ENOX1: variants seen among roughly 807,000 people sequenced by gnomAD.
ENOX1 encodes ecto-NOX disulfide-thiol exchanger 1, also known as candidate growth-related and time keeping constitutive hydroquinone (NADH) oxidase.
In ENOX1, 42 loss-of-function variants were observed where a neutral mutation model predicts 82.5. That is an observed-to-expected ratio of 0.51 (90% confidence interval 0.40 to 0.66). The LOEUF is 0.66. Among genes scored for constraint, ENOX1 ranks in the 30% least tolerant of loss-of-function variants. The pLI is 0.00. For missense variants in ENOX1, 608 were observed against 811.6 expected, an observed-to-expected ratio of 0.75 and a Z score of 3.05; for synonymous variants, 271 against 282.2, an observed-to-expected ratio of 0.96 and a Z score of 0.40.
intron 3 of ENOX1, among the ~76,000 whole-genome samples, chr13:43,451,095 T>G (rs2056941627): frequency 2.0e-5 from 3 of 152,102 alleles, no homozygotes; most frequent in Non-Finnish European, 4.4e-5. Context: ...ACATTTTGAG[T>G]AGTTAGAAGT....
intron 2 of ENOX1, among the ~76,000 whole-genome samples, chr13:43,514,087 A>G (rs1249738312): frequency 6.6e-6 from 1 of 152,180 alleles, no homozygotes; most frequent in Non-Finnish European, 1.5e-5. Flanking sequence ...TAAGTAGAAC[A>G]ATAATATCTA....
chr13:43,627,345 C>T (rs1435687391), intron 2 of ENOX1, among the ~76,000 whole-genome samples: 2 of 151,776 alleles, frequency 1.3e-5, no homozygotes, highest in Non-Finnish European at 2.9e-5. Flanking sequence ...TCTGTTTTTT[C>T]TTGTGTTCCA....
At chr13:43,234,242 A>C (rs981924638) in intron 15 of ENOX1, among the ~76,000 whole-genome samples, 1 of 152,174 alleles carries the variant, frequency 6.6e-6, no homozygotes, top group Non-Finnish European at 1.5e-5. Flanking sequence ...CCATTGTGGC[A>C]TTCTTTTGGA....
intron 2 of ENOX1, among the ~76,000 whole-genome samples, chr13:43,596,898 G>A (rs1425086416): frequency 6.6e-6 from 1 of 152,192 alleles, no homozygotes; most frequent in Non-Finnish European, 1.5e-5. Flanking sequence ...ATTACAGCAT[G>A]CCCCACCCTC....
chr13:43,564,420 TA>T (rs1228142120), intron 2 of ENOX1, among the ~76,000 whole-genome samples: 1 of 151,526 alleles, frequency 6.6e-6, no homozygotes, highest in Non-Finnish European at 1.5e-5. Flanking sequence ...AAATTCAAAA[TA>T]AAAAACTATA....
intron 2 of ENOX1, among the ~76,000 whole-genome samples, chr13:43,488,824 G>C (rs1231913140): frequency 6.6e-6 from 1 of 152,228 alleles, no homozygotes; most frequent in Non-Finnish European, 1.5e-5. Flanking sequence ...CTGGAAGCTA[G>C]AGGAAGGGCC....
intron 9 of ENOX1, 129 bp downstream of exon 9, chr13:43,344,409 G>T: frequency 1.3e-6 from 1 of 748,528 alleles, no homozygotes; most frequent in Non-Finnish European, 2.2e-6. Flanking sequence ...AGGTTATGAA[G>T]TTTGCCATTC....
chr13:43,392,300 A>G (rs1366326831), intron 5 of ENOX1, among the ~76,000 whole-genome samples: 1 of 152,230 alleles, frequency 6.6e-6, no homozygotes, highest in Non-Finnish European at 1.5e-5. Context: ...GCTCCATGAC[A>G]GCAGGAATAA....
intron 1 of ENOX1, among the ~76,000 whole-genome samples, chr13:43,675,033 C>T (rs913155253): frequency 3.3e-5 from 5 of 152,154 alleles, no homozygotes; most frequent in Admixed American, 2.0e-4. Flanking sequence ...TGGCAGGTCA[C>T]GTTTAGAAGC....
intron 1 of ENOX1, among the ~76,000 whole-genome samples, chr13:43,691,676 T>C (rs1357826931): frequency 6.6e-6 from 1 of 151,064 alleles, no homozygotes; most frequent in Non-Finnish European, 1.5e-5. Context: ...CATTCAGGGA[T>C]AATCTCCTGG....
At chr13:43,620,324 T>G (rs2082668647) in intron 2 of ENOX1, among the ~76,000 whole-genome samples, 1 of 152,152 alleles carries the variant, frequency 6.6e-6, no homozygotes, top group South Asian at 2.1e-4. Flanking sequence ...TCTAGTTCCT[T>G]AAAGTATGAC....
At position 43,344,574 on chromosome 13, in the gene ENOX1, T is replaced by C. The variant is rs371620497; in HGVS notation, c.1000A>G (p.Asn334Asp). 6.2e-7 allele frequency: 1 copy of C among 1,614,064 alleles called. No individual in the cohort carries two copies. Among genetic ancestry groups the C allele is most frequent in the Non-Finnish European group, 8.5e-7 (1 of 1,180,038 alleles). Reference protein sequence around the residue: ...HEQEMEEAKENFKNALTGILT... With the variant: ...HEQEMEEAKEDFKNALTGILT... ...ATCCCAGTTAAGGCATTTTTAAAATTCTCCTTGGCTTCCTCCATCTCTTGC... is the reference window on the plus strand; with the variant it reads ...ATCCCAGTTAAGGCATTTTTAAAATCCTCCTTGGCTTCCTCCATCTCTTGC... The change falls in exon 9 of 17, where the codon AAT becomes GAT. Residue 334 changes from asparagine (N) to aspartate (D), a missense_variant. Transcript: ENST00000690772.
intron 3 of ENOX1, chr13:43,458,657 T>C (rs2057332218): frequency 6.6e-6 from 1 of 152,170 alleles, no homozygotes; most frequent in Non-Finnish European, 1.5e-5. Flanking sequence ...AAGGAAAATA[T>C]TTGGCCCAGC....
chr13:43,360,185 TA>T (rs3215734), intron 6 of ENOX1, 128 bp from the exon 7 acceptor site: 672,085 of 789,426 alleles, frequency 0.85, 286,922 homozygotes, highest in South Asian at 0.94. Flanking sequence ...TATGCCAACT[TA>T]ACATTGATCC....
intron 11 of ENOX1, among the ~76,000 whole-genome samples, chr13:43,313,597 A>G (rs1348357454): frequency 6.6e-6 from 1 of 152,192 alleles, no homozygotes; most frequent in Non-Finnish European, 1.5e-5. Flanking sequence ...CACAGAAAAA[A>G]AATCACTTGT....
At chr13:43,488,648 C>G (rs1027541199) in intron 2 of ENOX1, among the ~76,000 whole-genome samples, 9 of 152,048 alleles carry the variant, frequency 5.9e-5, no homozygotes, top group Non-Finnish European at 1.3e-4. Flanking sequence ...CCGTCATGAA[C>G]AGAACATTAA....
intron 1 of ENOX1, among the ~76,000 whole-genome samples, chr13:43,748,195 T>C (rs1267467583): frequency 6.6e-6 from 1 of 152,208 alleles, no homozygotes; most frequent in Non-Finnish European, 1.5e-5. Context: ...CTATGTGTTT[T>C]ATTTCATTCA....
intron 2 of ENOX1, among the ~76,000 whole-genome samples, chr13:43,515,922 C>CT (rs1198109424): frequency 6.6e-6 from 1 of 152,152 alleles, no homozygotes; most frequent in African/African-American, 2.4e-5. Flanking sequence ...CAGAGTGAGC[C>CT]TGATGTCCCT....
intron 3 of ENOX1, among the ~76,000 whole-genome samples, chr13:43,417,153 G>A (rs376004670): frequency 3.9e-4 from 58 of 150,230 alleles, no homozygotes; most frequent in African/African-American, 1.3e-3. Flanking sequence ...AGGTTGCAGC[G>A]AGCTGAGATC....
Sources: gnomAD v4.1 joint callset for allele counts (sites outside exome capture counted in the v4.1 genomes callset) on GRCh38, gnomAD v4.1.1 for gene constraint, MANE v1.5 for transcripts, NCBI Gene and HGNC (gene_info 2026-07-23, HGNC 2026-07-21) for gene names.